The following PALM2AKAP2 variants were observed in gnomAD, a reference collection of about 807,000 sequenced individuals.
The protein encoded by PALM2AKAP2 is PALM2-AKAP2 fusion protein.
A neutral mutation model predicts 71.5 loss-of-function variants in PALM2AKAP2; 37 were observed. The observed-to-expected ratio is 0.52, with a 90% CI of 0.40 to 0.68. The LOEUF (loss-of-function observed/expected upper bound fraction) is 0.68, where lower values mean the gene tolerates loss of function less well. Ranked by LOEUF, PALM2AKAP2 falls within the 30% of genes least tolerant of loss-of-function variation. PALM2AKAP2 has a pLI of 0.00. For synonymous variants in PALM2AKAP2, 468 were observed against 478.8 expected (o/e 0.98, Z 0.29); for missense variants, 1,224 against 1,191.8 (o/e 1.03, Z -0.40).
chr9:109,709,466 G>C (rs1321608971), intron 1 of PALM2AKAP2, among the ~76,000 whole-genome samples: 1 of 152,172 alleles, frequency 6.6e-6, no homozygotes, highest in African/African-American at 2.4e-5. Flanking sequence ...TCAGGCCATG[G>C]CTTTCCATCA....
chr9:109,904,424 T>A (rs548870029), intron 3 of PALM2AKAP2, among the ~76,000 whole-genome samples: 65 of 152,350 alleles, frequency 4.3e-4, no homozygotes, highest in African/African-American at 1.4e-3. Context: ...GAATATAATT[T>A]TCTTATGTGC....
At chr9:110,115,538 C>T (rs2118968955) in intron 1 of PALM2AKAP2, among the ~76,000 whole-genome samples, 1 of 152,338 alleles carries the variant, frequency 6.6e-6, no homozygotes, top group South Asian at 2.1e-4. Flanking sequence ...TACCACTTAA[C>T]CCTAGTGGAG....
At chr9:110,007,426 A>C (rs770565843) in intron 6 of PALM2AKAP2, among the ~76,000 whole-genome samples, 1 of 152,222 alleles carries the variant, frequency 6.6e-6, no homozygotes, top group Non-Finnish European at 1.5e-5. Context: ...AACAAATCCC[A>C]AGAAATTCTA....
At chr9:109,800,240 T>A (rs1262147965) in intron 1 of PALM2AKAP2, among the ~76,000 whole-genome samples, 1 of 152,196 alleles carries the variant, frequency 6.6e-6, no homozygotes, top group African/African-American at 2.4e-5. Context: ...AAGAACTAAT[T>A]TTAGGGCCAA....
At chr9:109,867,917 G>GT (rs1829499875) in intron 2 of PALM2AKAP2, among the ~76,000 whole-genome samples, 3 of 152,132 alleles carry the variant, frequency 2.0e-5, no homozygotes, top group Admixed American at 2.0e-4. Context: ...TAGGTGCTGG[G>GT]TGTGTTTGCT....
chr9:109,855,968 T>C (rs1829153621), intron 1 of PALM2AKAP2, among the ~76,000 whole-genome samples: 1 of 152,172 alleles, frequency 6.6e-6, no homozygotes, highest in Non-Finnish European at 1.5e-5. Context: ...ACATTGCAAT[T>C]ATTAACAAAG....
rs192050525 is a variant in PALM2AKAP2, at chr9:109,660,904, T to G, written c.5+20038T>G. ...TCTCATTGTGGTTTTGATTTGCATT[T>G]CTCTGATGACCAGTGATGATGAGCA... On this transcript the variant is annotated intron_variant, in intron 1 of 6. Coordinates refer to the PALM2AKAP2 transcript ENST00000374531. 1.2e-3 allele frequency among the ~76,000 whole-genome samples: 182 copies of G among 152,332 alleles called. 1 individual carries two copies. The highest frequency in any genetic ancestry group is 1.7e-3 in the Non-Finnish European group (115 of 68,034).
intron 7 of PALM2AKAP2, among the ~76,000 whole-genome samples, chr9:110,024,079 T>C (rs980543919): frequency 1.3e-5 from 2 of 152,234 alleles, no homozygotes; most frequent in African/African-American, 4.8e-5. Flanking sequence ...AGGCTCTAAA[T>C]TGTAGTTCTT....
intron 1 of PALM2AKAP2, among the ~76,000 whole-genome samples, chr9:109,740,113 C>G (rs1190993572): frequency 6.6e-6 from 1 of 152,216 alleles, no homozygotes; most frequent in African/African-American, 2.4e-5. Context: ...TCCAATTTGA[C>G]AGCTTTCATC....
At chr9:109,819,459 T>C (rs59402917) in intron 1 of PALM2AKAP2, among the ~76,000 whole-genome samples, 11,442 of 152,194 alleles carry the variant, frequency 0.075, 1,171 homozygotes, top group African/African-American at 0.24. Context: ...GAGCAATAAC[T>C]CTTTTCTAGG....
intron 6 of PALM2AKAP2, among the ~76,000 whole-genome samples, chr9:110,015,635 A>C (rs1275333123): frequency 6.6e-6 from 1 of 152,074 alleles, no homozygotes; most frequent in African/African-American, 2.4e-5. Context: ...CAAACAAATA[A>C]ATAAAAATGA....
chr9:110,127,202 T>C (rs1258538056), intron 1 of PALM2AKAP2, among the ~76,000 whole-genome samples: 2 of 152,212 alleles, frequency 1.3e-5, no homozygotes, highest in Non-Finnish European at 2.9e-5. Context: ...ACTGCCCTAG[T>C]CACATTGAGC....
At chr9:110,080,580 G>A (rs561955444) in intron 1 of PALM2AKAP2, among the ~76,000 whole-genome samples, 2 of 152,292 alleles carry the variant, frequency 1.3e-5, no homozygotes, top group East Asian at 3.9e-4. Flanking sequence ...AGTAGAAATT[G>A]CTGTCAGCCA....
At chr9:110,129,522 A>G (rs575515484) in intron 1 of PALM2AKAP2, among the ~76,000 whole-genome samples, 1 of 152,312 alleles carries the variant, frequency 6.6e-6, no homozygotes, top group East Asian at 1.9e-4. Flanking sequence ...CTTATTCTGA[A>G]GTTTTAAGAC....
chr9:109,805,418 A>G (rs1827545291), intron 1 of PALM2AKAP2, among the ~76,000 whole-genome samples: 2 of 149,412 alleles, frequency 1.3e-5, no homozygotes, highest in African/African-American at 4.9e-5. Context: ...TTACTGTGTC[A>G]AAGAGCAGTT....
intron 1 of PALM2AKAP2, among the ~76,000 whole-genome samples, chr9:110,098,340 C>G (rs980149730): frequency 3.3e-5 from 5 of 152,202 alleles, no homozygotes; most frequent in Middle Eastern, 3.4e-3. Context: ...ATAAAAAGTG[C>G]GTGATACTTA....
rs141511158 is a variant in PALM2AKAP2, at chr9:109,783,942, A to G, written c.45+3409A>G. 2.4e-3 allele frequency among the ~76,000 whole-genome samples: 373 copies of G among 152,362 alleles called. 2 individuals are homozygous for G. The highest frequency in any genetic ancestry group is 8.7e-3 in the African/African-American group (362 of 41,586). Reference sequence around the variant, plus strand: ...AAACTGAATTAAATACTTAGAAACTACAGTGCTTTAATGGAATCTTCCATT... The same window carrying G: ...AAACTGAATTAAATACTTAGAAACTGCAGTGCTTTAATGGAATCTTCCATT... On this transcript the variant is annotated intron_variant, in intron 1 of 9. Transcript: ENST00000302798.
At chr9:110,031,528 C>G (rs962545257) in intron 7 of PALM2AKAP2, among the ~76,000 whole-genome samples, 1 of 152,156 alleles carries the variant, frequency 6.6e-6, no homozygotes, top group African/African-American at 2.4e-5. Flanking sequence ...TTGAGAACTT[C>G]CCATGTGTCA....
intron 1 of PALM2AKAP2, among the ~76,000 whole-genome samples, chr9:109,741,311 AG>A (rs1564131116): frequency 6.6e-6 from 1 of 152,200 alleles, no homozygotes; most frequent in Non-Finnish European, 1.5e-5. Context: ...ATTGCTGGGT[AG>A]TACTCCATTG....
Sources: allele counts gnomAD v4.1 joint callset (sites outside exome capture counted in the v4.1 genomes callset), GRCh38; gene constraint gnomAD v4.1.1; transcripts MANE v1.5; gene names NCBI Gene and HGNC (gene_info 2026-07-23, HGNC 2026-07-21).